The following POLA2 variants were observed in gnomAD, a reference collection of about 807,000 sequenced individuals.
POLA2 encodes the protein DNA polymerase alpha 2, accessory subunit, also known as DNA polymerase alpha subunit B.
In POLA2, 47 loss-of-function variants were observed where a neutral mutation model predicts 82.8. That is an observed-to-expected ratio of 0.57 (90% CI 0.45 to 0.72). The LOEUF is 0.72. Among genes scored for constraint, POLA2 ranks in the 30% least tolerant of loss-of-function variants. POLA2 has a pLI of 0.00. For synonymous variants in POLA2, 287 were observed against 286.8 expected (o/e 1.00, Z -0.01); for missense variants, 634 against 728.1 (o/e 0.87, Z 1.49).
At chr11:65,290,674 C>T (rs567117597) in intron 13 of POLA2, among the ~76,000 whole-genome samples, 21 of 152,316 alleles carry the variant, frequency 1.4e-4, no homozygotes, top group African/African-American at 3.8e-4. Flanking sequence ...AAGGCTGCAT[C>T]GGCTCTCACT....
chr11:65,289,355 A>G (rs1949730937), intron 12 of POLA2, among the ~76,000 whole-genome samples: 1 of 152,354 alleles, frequency 6.6e-6, no homozygotes, highest in South Asian at 2.1e-4. Flanking sequence ...CTAAGGCACA[A>G]GAGCACTAGC....
chr11:65,285,023 G>A (rs1399222274), intron 10 of POLA2, among the ~76,000 whole-genome samples: 1 of 152,098 alleles, frequency 6.6e-6, no homozygotes, highest in Non-Finnish European at 1.5e-5. Context: ...GGCCGGGCGT[G>A]GTGGCTCATG....
chr11:65,264,023 C>A (rs1279650860), intron 1 of POLA2, among the ~76,000 whole-genome samples: 2 of 152,100 alleles, frequency 1.3e-5, no homozygotes, highest in African/African-American at 4.8e-5. Flanking sequence ...TTCAGTGGCA[C>A]CTTAATGTTT....
In POLA2 at chr11:65,295,882, G is replaced by T. The variant is rs1239002958; in HGVS notation, c.1539G>T (p.Pro513=). 1 of 1,613,096 alleles carries T rather than the reference G, an allele frequency of 6.2e-7. No homozygotes were observed. The highest frequency in any genetic ancestry group is 1.1e-5 in the South Asian group (1 of 91,074). Residue 513 remains proline, a synonymous_variant, in exon 17 of 18, where the codon CCG becomes CCT. Coordinates refer to ENST00000265465, the MANE Select transcript of POLA2 (RefSeq NM_002689.4). ...TCTGTAGCTACTACCCACTCTACCC[G>T]CCCCAAGAAGACATGGCCATTGACT... is the stretch of plus-strand genomic sequence containing the variant. ...LTQRSYYPLY[P]PQEDMAIDYE... is the part of the protein sequence containing the mutation.
At position 65,278,789 on chromosome 11, in the gene POLA2, TCGG is replaced by T; in HGVS notation, c.523_525del (p.Gly175del). On this transcript the variant is annotated inframe_deletion, in exon 6 of 18. Transcript: ENST00000265465. ...AACCGAGGAGAAGTGGTTACCTCCT[TCGG>T]CTTAGCACAGGGAGTATCTTGGTCT... The T allele has an allele frequency of 6.2e-7, 1 of 1,613,832 alleles. No individual in the cohort carries two copies. Among genetic ancestry groups the T allele is most frequent in the Non-Finnish European group, 8.5e-7 (1 of 1,179,994 alleles).
In POLA2 at chr11:65,298,665, A is replaced by G. The variant is rs1291776654; in HGVS notation, c.*1396A>G. On this transcript the variant is annotated 3_prime_UTR_variant, in exon 18 of 18. Coordinates refer to ENST00000265465, the MANE Select transcript of POLA2 (RefSeq NM_002689.4). ...CCCAGACCTGACCAGGGTACAGTAAAAGGTCTTCCTTTAAACACAAGGAGC... is the reference window on the plus strand; with the variant it reads ...CCCAGACCTGACCAGGGTACAGTAAGAGGTCTTCCTTTAAACACAAGGAGC... The G allele has an allele frequency of 6.6e-6, 1 of 152,258 alleles. No homozygotes were observed. Among genetic ancestry groups the G allele is most frequent in the East Asian group, 1.9e-4 (1 of 5,208 alleles). 9.4% of individuals were successfully genotyped at this position (152,258 alleles called of 1,614,324 possible). A position where few individuals can be genotyped will look rare whatever the true frequency, so the allele number is the denominator to read the frequency against.
At chr11:65,286,848 A>G (rs946037322) in intron 10 of POLA2, among the ~76,000 whole-genome samples, 4 of 152,218 alleles carry the variant, frequency 2.6e-5, no homozygotes, top group African/African-American at 7.2e-5. Context: ...GGAATTTATT[A>G]GGGGAGATCC....
intron 6 of POLA2, 68 bp downstream of exon 6, chr11:65,278,991 C>CTTCA: frequency 7.1e-7 from 1 of 1,404,554 alleles, no homozygotes. Flanking sequence ...AGTAACAAAG[C>CTTCA]TTCAGCTAGG....
chr11:65,295,349 G>A (rs755942126), intron 15 of POLA2, among the ~76,000 whole-genome samples, 191 bp from the exon 16 acceptor site: 2 of 152,098 alleles, frequency 1.3e-5, no homozygotes, highest in Admixed American at 6.5e-5. Flanking sequence ...GGTGTCCTGC[G>A]TCCCTCCTCA....
chr11:65,303,122 C>T (rs1376385309), downstream of POLA2, among the ~76,000 whole-genome samples: 3 of 152,038 alleles, frequency 2.0e-5, no homozygotes, highest in South Asian at 6.2e-4. Flanking sequence ...GCGGGTGGAT[C>T]ATGAGGTCAG....
At chr11:65,288,665 C>T (rs1949723720) in intron 11 of POLA2, among the ~76,000 whole-genome samples, 1 of 152,038 alleles carries the variant, frequency 6.6e-6, no homozygotes, top group African/African-American at 2.4e-5. Flanking sequence ...ACTACAGGCA[C>T]ACGCCACCAT....
chr11:65,280,828 G>T, intron 7 of POLA2, 164 bp from the exon 8 acceptor site: 1 of 628,798 alleles, frequency 1.6e-6, no homozygotes, highest in Non-Finnish European at 2.8e-6. Flanking sequence ...CTTCCATCCT[G>T]AGAGTCAGTG....
chr11:65,297,096 T>C (rs1949818559), intron 17 of POLA2, 24 bp from the exon 18 acceptor site: 1 of 1,613,546 alleles, frequency 6.2e-7, no homozygotes, highest in Non-Finnish European at 8.5e-7. Flanking sequence ...TCTCCAAACC[T>C]GTCACCTCTC....
At chr11:65,269,538 A>G (rs904509926) in intron 4 of POLA2, among the ~76,000 whole-genome samples, 1 of 152,096 alleles carries the variant, frequency 6.6e-6, no homozygotes, top group Non-Finnish European at 1.5e-5. Context: ...CTAGACATTG[A>G]GTAAACAATG....
intron 12 of POLA2, among the ~76,000 whole-genome samples, chr11:65,289,566 CTCTT>C (rs1333841705): frequency 6.6e-6 from 1 of 152,222 alleles, no homozygotes; most frequent in Admixed American, 6.5e-5. Flanking sequence ...TTTCAAAGTA[CTCTT>C]TCTTTTAGTC....
intron 3 of POLA2, among the ~76,000 whole-genome samples, chr11:65,268,451 A>T (rs1949486544): frequency 2.6e-5 from 4 of 151,138 alleles, no homozygotes; most frequent in Admixed American, 2.6e-4. Context: ...TCCTGGGTTC[A>T]TGCCATTCTC....
chr11:65,271,443 C>A (rs1949520235), intron 4 of POLA2, among the ~76,000 whole-genome samples: 1 of 152,136 alleles, frequency 6.6e-6, no homozygotes, highest in South Asian at 2.1e-4. Flanking sequence ...GATGCGTAAG[C>A]CAGGTGCAAA....
chr11:65,284,853 G>GTTA (rs1254868611), intron 10 of POLA2, among the ~76,000 whole-genome samples: 20 of 152,126 alleles, frequency 1.3e-4, no homozygotes, highest in Non-Finnish European at 2.6e-4. Context: ...AAGCACAGTG[G>GTTA]AGCACTGTTA....
chr11:65,266,539 G>C (rs1949461872), intron 1 of POLA2, 43 bp from the exon 2 acceptor site: 1 of 1,608,210 alleles, frequency 6.2e-7, no homozygotes, highest in African/African-American at 1.3e-5. Context: ...GAAACTTCGA[G>C]AAATGAACTA....
Sources: gnomAD v4.1 joint callset for allele counts (sites outside exome capture counted in the v4.1 genomes callset) on GRCh38, gnomAD v4.1.1 for gene constraint, MANE v1.5 for transcripts, NCBI Gene and HGNC (gene_info 2026-07-23, HGNC 2026-07-21) for gene names.